Variants in DCC observed in about 807,000 individuals in gnomAD.
DCC encodes DCC netrin 1 receptor, also known as netrin receptor DCC.
DCC carries 58 observed loss-of-function variants against 172.5 expected under a neutral mutation model. The ratio of observed to expected loss-of-function variants is 0.34; its 90% CI spans 0.27 to 0.42. The LOEUF is 0.42. Among genes scored for constraint, DCC ranks in the 10% least tolerant of loss-of-function variants. DCC has a pLI of 1.00. For missense variants in DCC, 1,740 were observed against 1,791.0 expected, an observed-to-expected ratio of 0.97 and a Z score of 0.51; for synonymous variants, 709 against 644.5, an observed-to-expected ratio of 1.10 and a Z score of -1.52.
intron 12 of DCC, among the ~76,000 whole-genome samples, chr18:53,273,337 T>A (rs962173926): frequency 6.6e-6 from 1 of 152,154 alleles, no homozygotes; most frequent in Non-Finnish European, 1.5e-5. Flanking sequence ...GTGATTGATA[T>A]AATCATTCAT....
chr18:52,818,689 C>G (rs2038349137), intron 2 of DCC, among the ~76,000 whole-genome samples: 1 of 152,130 alleles, frequency 6.6e-6, no homozygotes, highest in African/African-American at 2.4e-5. Flanking sequence ...ATCTGAGATT[C>G]TATTGGACTA....
intron 1 of DCC, among the ~76,000 whole-genome samples, chr18:52,747,483 TC>T (rs2036924121): frequency 6.6e-6 from 1 of 152,238 alleles, no homozygotes; most frequent in African/African-American, 2.4e-5. Flanking sequence ...TAGTTTTGAT[TC>T]TCAAAATGAG....
At chr18:52,653,092 G>A (rs2035174519) in intron 1 of DCC, among the ~76,000 whole-genome samples, 1 of 152,124 alleles carries the variant, frequency 6.6e-6, no homozygotes, top group Non-Finnish European at 1.5e-5. Context: ...ATCATTGCCT[G>A]CACAAAAGCA....
At position 53,530,746 on chromosome 18, in the gene DCC, C is replaced by T. The variant is rs1213853523; in HGVS notation, c.*93C>T. On this transcript the variant is annotated 3_prime_UTR_variant, in exon 29 of 29. Transcript: ENST00000442544. The stretch of plus-strand genomic sequence containing the variant: ...GCACACCTGTGTCCAAGAACTCTAA[C>T]CAGTGTACAGGTCACCCATCAGGAC... The T allele has an allele frequency of 6.3e-6, 5 of 788,104 alleles. No homozygotes were observed. Among genetic ancestry groups the T allele is most frequent in the Admixed American group, 3.5e-5 (2 of 57,788 alleles). 48.8% of individuals were successfully genotyped at this position (788,104 alleles called of 1,614,324 possible).
rs571871557 is a variant in DCC, at chr18:52,718,614, T to A, written c.92-33440T>A. ...GCCTCCGTGTGGCTCTGTGGGATAG[T>A]GAGCTTCCTGTCATCTACTGGAGGC... is the stretch of plus-strand genomic sequence containing the variant. On this transcript the variant is annotated intron_variant, in intron 1 of 28. Transcript: ENST00000442544. Among the ~76,000 whole-genome samples, 11 of 152,308 alleles carry A rather than the reference T, an allele frequency of 7.2e-5. No individual in the cohort carries two copies. In the South Asian group the frequency reaches 1.5e-3, roughly 20 times the overall value.
At chr18:53,301,816 C>T (rs186503607) in intron 12 of DCC, among the ~76,000 whole-genome samples, 1 of 152,164 alleles carries the variant, frequency 6.6e-6, no homozygotes, top group East Asian at 1.9e-4. Flanking sequence ...CCTCCTCTTC[C>T]TTATTTTGTT....
intron 1 of DCC, among the ~76,000 whole-genome samples, chr18:52,632,599 C>T (rs1395331635): frequency 1.3e-5 from 2 of 152,198 alleles, no homozygotes; most frequent in Admixed American, 6.5e-5. Flanking sequence ...ACTCACTAGT[C>T]ATTTCATTCT....
chr18:52,700,923 C>G (rs886438499), intron 1 of DCC, among the ~76,000 whole-genome samples: 2 of 152,290 alleles, frequency 1.3e-5, no homozygotes, highest in Non-Finnish European at 2.9e-5. Context: ...ACAAAATTTC[C>G]TATTGCTCTC....
At chr18:53,099,342 C>T (rs968591380) in intron 7 of DCC, among the ~76,000 whole-genome samples, 1 of 152,012 alleles carries the variant, frequency 6.6e-6, no homozygotes, top group Non-Finnish European at 1.5e-5. Context: ...TTCGAATTGT[C>T]CCAGATTCAA....
intron 1 of DCC, among the ~76,000 whole-genome samples, chr18:52,537,104 T>A (rs776230373): frequency 5.3e-5 from 8 of 152,206 alleles, no homozygotes; most frequent in Admixed American, 5.2e-4. Context: ...CTCTGATTTT[T>A]CTTCATCTGT....
intron 25 of DCC, among the ~76,000 whole-genome samples, chr18:53,485,919 A>C (rs1212853729): frequency 6.6e-6 from 1 of 151,972 alleles, no homozygotes; most frequent in South Asian, 2.1e-4. Context: ...TTACCATCTA[A>C]ATAAATAAAA....
chr18:52,830,448 A>G (rs1026379192), intron 2 of DCC, among the ~76,000 whole-genome samples: 2 of 152,110 alleles, frequency 1.3e-5, no homozygotes, highest in African/African-American at 4.8e-5. Context: ...GAGGAAATGG[A>G]TGTCTTACTA....
At chr18:52,683,576 A>T (rs1222166901) in intron 1 of DCC, among the ~76,000 whole-genome samples, 1 of 152,084 alleles carries the variant, frequency 6.6e-6, no homozygotes, top group Non-Finnish European at 1.5e-5. Context: ...CCTATTACCA[A>T]ATGCTAAGTT....
chr18:53,472,526 T>C (rs1276030925), intron 25 of DCC, among the ~76,000 whole-genome samples: 1 of 152,220 alleles, frequency 6.6e-6, no homozygotes, highest in East Asian at 1.9e-4. Flanking sequence ...TCAAACATTA[T>C]TGTACTTTAG....
In DCC at chr18:53,205,225, C is replaced by T; in HGVS notation, c.1583C>T (p.Pro528Leu). 6.2e-7 allele frequency: 1 copy of T among 1,612,794 alleles called. No individual in the cohort carries two copies. The highest frequency in any genetic ancestry group is 8.5e-7 in the Non-Finnish European group (1 of 1,178,994). The stretch of plus-strand genomic sequence containing the variant: ...TTATTTTTTTATACAGTGCAAGTTC[C>T]AGGGCCAGTAGAAAACCTGCAAGCT... ...KVATQPELQV[P>L]GPVENLQAVS... Residue 528 changes from proline (P) to leucine (L), a missense_variant, in exon 10 of 29, where the codon CCA (proline) becomes CTA (leucine). By Grantham distance (98) the Pro-to-Leu change is moderately conservative. This residue lies in a region of DCC where 1,732 missense variants were observed against 1,767.4 expected (regional missense o/e 0.98). Transcript: ENST00000442544.
At chr18:53,320,151 C>T (rs1228828271) in intron 13 of DCC, among the ~76,000 whole-genome samples, 1 of 146,282 alleles carries the variant, frequency 6.8e-6, no homozygotes, top group African/African-American at 2.6e-5. Context: ...CTGCTCACTG[C>T]AAGCTCTGCC....
chr18:53,332,425 A>C (rs1011162320), intron 14 of DCC, among the ~76,000 whole-genome samples: 1 of 152,174 alleles, frequency 6.6e-6, no homozygotes, highest in African/African-American at 2.4e-5. Flanking sequence ...TGGTAGTAAC[A>C]AAATTTGTAG....
intron 7 of DCC, among the ~76,000 whole-genome samples, chr18:53,087,841 A>C (rs945684470): frequency 4.3e-4 from 66 of 152,024 alleles, no homozygotes; most frequent in African/African-American, 1.4e-3. Context: ...TTTTCCCAGC[A>C]CCATTTATTA....
intron 14 of DCC, among the ~76,000 whole-genome samples, chr18:53,324,785 C>T (rs914290001): frequency 6.6e-6 from 1 of 151,946 alleles, no homozygotes; most frequent in Non-Finnish European, 1.5e-5. Context: ...ACTTATTTAC[C>T]TAAGAATTAA....
Sources: allele counts gnomAD v4.1 joint callset (sites outside exome capture counted in the v4.1 genomes callset), GRCh38; gene constraint gnomAD v4.1.1; regional missense constraint gnomAD v4.1.1; transcripts MANE v1.5; gene names NCBI Gene and HGNC (gene_info 2026-07-23, HGNC 2026-07-21).